ALCAM: variants seen among roughly 807,000 people sequenced by gnomAD.
The protein encoded by ALCAM is activated leukocyte cell adhesion molecule.
In ALCAM, 30 loss-of-function variants were observed where a neutral mutation model predicts 70.9. The ratio of observed to expected loss-of-function variants is 0.42; its 90% CI spans 0.32 to 0.57. The LOEUF (loss-of-function observed/expected upper bound fraction) is 0.57, where lower values mean the gene tolerates loss of function less well. ALCAM is among the 20% of genes least tolerant of loss of function. ALCAM has a pLI of 0.11. For missense variants in ALCAM, 591 were observed against 695.1 expected, an observed-to-expected ratio of 0.85 and a Z score of 1.68; for synonymous variants, 249 against 242.5, an observed-to-expected ratio of 1.03 and a Z score of -0.25.
At chr3:105,381,504 T>C (rs893598715) in intron 1 of ALCAM, among the ~76,000 whole-genome samples, 6 of 152,018 alleles carry the variant, frequency 3.9e-5, no homozygotes, top group African/African-American at 1.2e-4. Context: ...TAGTATCATA[T>C]TCATTATGTC....
chr3:105,571,313 G>A (rs1176605994), intron 14 of ALCAM, among the ~76,000 whole-genome samples: 1 of 152,152 alleles, frequency 6.6e-6, no homozygotes, highest in Non-Finnish European at 1.5e-5. Flanking sequence ...CCACGTTAAA[G>A]TTGCTATAGC....
chr3:105,386,478 C>T (rs1311033962), intron 1 of ALCAM, among the ~76,000 whole-genome samples: 1 of 151,472 alleles, frequency 6.6e-6, no homozygotes, highest in African/African-American at 2.4e-5. Flanking sequence ...GTAGACATTA[C>T]CCTAAATGTC....
At chr3:105,367,507 C>T (rs753462367) in intron 1 of ALCAM, 26 bp downstream of exon 1, 1 of 1,613,486 alleles carries the variant, frequency 6.2e-7, no homozygotes, top group South Asian at 1.1e-5. Context: ...GGAGCAGCCC[C>T]AGACAGACGT....
At chr3:105,536,807 G>C (rs1939981367) in intron 6 of ALCAM, among the ~76,000 whole-genome samples, 4 of 152,160 alleles carry the variant, frequency 2.6e-5, no homozygotes, top group Non-Finnish European at 5.9e-5. Context: ...TCAGTATTAA[G>C]AGTCTTGAGG....
intron 14 of ALCAM, among the ~76,000 whole-genome samples, chr3:105,558,509 C>T (rs561355722): frequency 2.6e-5 from 4 of 152,174 alleles, no homozygotes; most frequent in East Asian, 1.9e-4. Context: ...CTCCTCTATC[C>T]TCTCACTATG....
chr3:105,495,491 C>G (rs1333013142), intron 1 of ALCAM, among the ~76,000 whole-genome samples: 1 of 151,496 alleles, frequency 6.6e-6, no homozygotes, highest in Non-Finnish European at 1.5e-5. Context: ...GAAAGAGAAT[C>G]TGTGAAAGAT....
intron 1 of ALCAM, among the ~76,000 whole-genome samples, chr3:105,402,697 T>G (rs76026448): frequency 0.014 from 2,115 of 152,110 alleles, 42 homozygotes; most frequent in African/African-American, 0.038. Context: ...ATTGGAGTTA[T>G]AACTGCACCC....
chr3:105,559,230 T>C (rs949191628), intron 14 of ALCAM, among the ~76,000 whole-genome samples: 13 of 148,076 alleles, frequency 8.8e-5, no homozygotes, highest in South Asian at 4.2e-4. Flanking sequence ...TATACATGTA[T>C]ACATGTGTAC....
At chr3:105,443,298 C>T (rs1352034794) in intron 1 of ALCAM, among the ~76,000 whole-genome samples, 1 of 152,168 alleles carries the variant, frequency 6.6e-6, no homozygotes, top group South Asian at 2.1e-4. Context: ...TTTCTAACTG[C>T]ATTCCTAACT....
At chr3:105,500,290 A>G (rs1576204471) in intron 1 of ALCAM, among the ~76,000 whole-genome samples, 1 of 150,818 alleles carries the variant, frequency 6.6e-6, no homozygotes, top group South Asian at 2.1e-4. Flanking sequence ...CTCTTTTCTC[A>G]TCTCCTTCCT....
At chr3:105,475,134 C>G (rs1213481968) in intron 1 of ALCAM, among the ~76,000 whole-genome samples, 2 of 151,810 alleles carry the variant, frequency 1.3e-5, no homozygotes, top group Admixed American at 1.3e-4. Flanking sequence ...ACCTGCTTTT[C>G]TCCTTGAAGA....
chr3:105,540,248 AC>A, intron 7 of ALCAM, 146 bp downstream of exon 7: 1 of 756,682 alleles, frequency 1.3e-6, no homozygotes, highest in South Asian at 3.0e-5. Context: ...CTTTTTCTGC[AC>A]CTGCCACTGT....
At chr3:105,456,567 T>C (rs1937537762) in intron 1 of ALCAM, among the ~76,000 whole-genome samples, 1 of 152,208 alleles carries the variant, frequency 6.6e-6, no homozygotes, top group South Asian at 2.1e-4. Flanking sequence ...TACATAGAGT[T>C]ACCTTGGACT....
At chr3:105,474,783 C>CTTA (rs1268285503) in intron 1 of ALCAM, among the ~76,000 whole-genome samples, 2 of 151,602 alleles carry the variant, frequency 1.3e-5, no homozygotes, top group Non-Finnish European at 2.9e-5. Flanking sequence ...TAATAGTTTA[C>CTTA]TTATTATAAT....
chr3:105,378,777 C>G (rs771306840), intron 1 of ALCAM, among the ~76,000 whole-genome samples: 12 of 151,792 alleles, frequency 7.9e-5, no homozygotes, highest in Non-Finnish European at 1.6e-4. Context: ...AAAATGCCAC[C>G]TTTCTAAAAG....
intron 1 of ALCAM, among the ~76,000 whole-genome samples, chr3:105,374,833 T>C (rs932521168): frequency 1.3e-5 from 2 of 152,152 alleles, no homozygotes; most frequent in Admixed American, 6.5e-5. Flanking sequence ...TGACTTCTTA[T>C]ATAGCCAGTT....
At chr3:105,440,635 T>C (rs1261406204) in intron 1 of ALCAM, among the ~76,000 whole-genome samples, 1 of 152,228 alleles carries the variant, frequency 6.6e-6, no homozygotes, top group Non-Finnish European at 1.5e-5. Context: ...ACTGACCTCT[T>C]ATCGCCCACA....
At position 105,404,312 on chromosome 3, in the gene ALCAM, A is replaced by G. The variant is rs529107366; in HGVS notation, c.73+36831A>G. Among the ~76,000 whole-genome samples the G allele has an allele frequency of 4.6e-5, 7 of 152,298 alleles. No individual in the cohort carries two copies. The East Asian group carries it at 1.4e-3, about 30-fold the overall frequency. ...TCGTTATCTAGTCAAGACAAAAGAA[A>G]GAATCTTAAGAGCTGTGAGGCAAAA... On this transcript the variant is annotated intron_variant, in intron 1 of 15. Transcript: ENST00000306107.
chr3:105,553,143 T>A, intron 14 of ALCAM: 1 of 942,340 alleles, frequency 1.1e-6, no homozygotes. Flanking sequence ...GTACCAACAC[T>A]ACATTAAAAA....
Sources: allele counts gnomAD v4.1 joint callset (sites outside exome capture counted in the v4.1 genomes callset), GRCh38; gene constraint gnomAD v4.1.1; transcripts MANE v1.5; gene names NCBI Gene and HGNC (gene_info 2026-07-23, HGNC 2026-07-21).